Variants in SLC8A1 observed in about 807,000 individuals in gnomAD.
SLC8A1 encodes solute carrier family 8 member A1.
In SLC8A1, 18 loss-of-function variants were observed where a neutral mutation model predicts 68.3. That is an observed-to-expected ratio of 0.26 (90% CI 0.18 to 0.39). The LOEUF is 0.39. Among genes scored for constraint, SLC8A1 ranks in the 10% least tolerant of loss-of-function variants. SLC8A1 has a pLI of 1.00. For missense variants in SLC8A1, 985 were observed against 1,156.7 expected, an observed-to-expected ratio of 0.85 and a Z score of 2.15; for synonymous variants, 475 against 415.5, an observed-to-expected ratio of 1.14 and a Z score of -1.74.
chr2:40,425,463 C>T (rs1467503439), intron 2 of SLC8A1, among the ~76,000 whole-genome samples: 1 of 151,804 alleles, frequency 6.6e-6, no homozygotes, highest in Admixed American at 6.6e-5. Context: ...TTGTTAGGGA[C>T]TTCTTAAAAT....
At chr2:40,272,302 G>C (rs2066142110) in intron 2 of SLC8A1, among the ~76,000 whole-genome samples, 2 of 152,118 alleles carry the variant, frequency 1.3e-5, no homozygotes. Context: ...CCTAAAACAA[G>C]AACATGATCA....
chr2:40,501,903 AC>A (rs1164621342), intron 1 of SLC8A1, among the ~76,000 whole-genome samples: 1 of 152,050 alleles, frequency 6.6e-6, no homozygotes, highest in Non-Finnish European at 1.5e-5. Context: ...TGTCAAAGGA[AC>A]TTTTCTTTCT....
intron 2 of SLC8A1, among the ~76,000 whole-genome samples, chr2:40,415,206 A>C (rs1013274643): frequency 4.6e-5 from 7 of 152,174 alleles, no homozygotes; most frequent in Non-Finnish European, 1.0e-4. Context: ...AGGAAGTCTC[A>C]GGGCTGGAGA....
intron 2 of SLC8A1, among the ~76,000 whole-genome samples, chr2:40,188,149 G>A (rs1284169040): frequency 6.6e-6 from 1 of 152,118 alleles, no homozygotes; most frequent in Non-Finnish European, 1.5e-5. Flanking sequence ...TTCTATGAGA[G>A]GGTCACATTT....
intron 1 of SLC8A1, among the ~76,000 whole-genome samples, chr2:40,438,302 T>G (rs1397007992): frequency 6.6e-6 from 1 of 152,160 alleles, no homozygotes; most frequent in East Asian, 1.9e-4. Context: ...ATACATGCTT[T>G]TATATCTAGG....
At chr2:40,174,206 TATTATAA>T (rs1304860635) in intron 4 of SLC8A1, among the ~76,000 whole-genome samples, 1 of 152,022 alleles carries the variant, frequency 6.6e-6, no homozygotes, top group African/African-American at 2.4e-5. Context: ...TTATATTATG[TATTATAA>T]ATTATATATT....
In SLC8A1 at chr2:40,444,911, G is replaced by A. The variant is rs113082461; in HGVS notation, c.-25+6993C>T. Among the ~76,000 whole-genome samples, 1,472 of 152,146 alleles carry A rather than the reference G, an allele frequency of 9.7e-3. 25 individuals are homozygous for A. The highest frequency in any genetic ancestry group is 0.034 in the African/African-American group (1,403 of 41,502). On this transcript the variant is annotated intron_variant, in intron 1 of 7. Transcript: ENST00000406785. ...TTAAAAAATCAGCTCTCTGATCTTCGGTATATGCCATTTTGCGTGTACTTA... is the reference window on the plus strand; with the variant it reads ...TTAAAAAATCAGCTCTCTGATCTTCAGTATATGCCATTTTGCGTGTACTTA...
chr2:40,316,151 A>G (rs993410253), intron 2 of SLC8A1, among the ~76,000 whole-genome samples: 1 of 152,050 alleles, frequency 6.6e-6, no homozygotes, highest in African/African-American at 2.4e-5. Flanking sequence ...GAAAGTGTCA[A>G]TTGGTTGTGA....
chr2:40,468,047 A>G (rs1436861048), intron 1 of SLC8A1, among the ~76,000 whole-genome samples: 7 of 152,134 alleles, frequency 4.6e-5, no homozygotes, highest in Admixed American at 2.0e-4. Context: ...TTAAACATTG[A>G]GATATTATGA....
intron 2 of SLC8A1, among the ~76,000 whole-genome samples, chr2:40,235,272 T>G (rs1161460724): frequency 1.3e-5 from 2 of 152,216 alleles, no homozygotes; most frequent in African/African-American, 4.8e-5. Context: ...TGCCACAATT[T>G]CAGATCCTGT....
At chr2:40,269,000 T>A (rs566996405) in intron 2 of SLC8A1, among the ~76,000 whole-genome samples, 3 of 152,218 alleles carry the variant, frequency 2.0e-5, no homozygotes, top group South Asian at 4.1e-4. Flanking sequence ...AAATATGAAC[T>A]CATGATGTCC....
At chr2:40,109,651 G>A (rs1054483232) in exon 8 of SLC8A1, 2 of 152,128 alleles carry the variant, frequency 1.3e-5, no homozygotes, top group African/African-American at 4.8e-5. Flanking sequence ...AGGTAATAGT[G>A]AGCATCACTA....
chr2:40,126,201 T>C (rs1477870746), intron 7 of SLC8A1, among the ~76,000 whole-genome samples: 1 of 152,146 alleles, frequency 6.6e-6, no homozygotes, highest in African/African-American at 2.4e-5. Flanking sequence ...TGATAACACA[T>C]CTACGCTGAC....
At chr2:40,383,745 C>G (rs1388293182) in intron 2 of SLC8A1, among the ~76,000 whole-genome samples, 1 of 152,040 alleles carries the variant, frequency 6.6e-6, no homozygotes, top group African/African-American at 2.4e-5. Context: ...TGGCAAGACA[C>G]TATTTAACAA....
At chr2:40,281,888 T>C (rs1320052774) in intron 2 of SLC8A1, among the ~76,000 whole-genome samples, 2 of 152,218 alleles carry the variant, frequency 1.3e-5, no homozygotes, top group East Asian at 3.9e-4. Flanking sequence ...GAAGACTCTG[T>C]CTTCACTTGA....
intron 2 of SLC8A1, among the ~76,000 whole-genome samples, chr2:40,395,775 C>T (rs1686725473): frequency 6.6e-6 from 1 of 152,066 alleles, no homozygotes. Context: ...AGAGTCAGAG[C>T]TGTTCCTTAA....
intron 2 of SLC8A1, among the ~76,000 whole-genome samples, chr2:40,319,874 C>T (rs2074971197): frequency 6.6e-6 from 1 of 152,142 alleles, no homozygotes; most frequent in Non-Finnish European, 1.5e-5. Flanking sequence ...GCTCCTCCTT[C>T]TGTGGAGAGA....
intron 2 of SLC8A1, among the ~76,000 whole-genome samples, chr2:40,381,596 A>G (rs59375765): frequency 0.02 from 2,993 of 152,036 alleles, 56 homozygotes; most frequent in African/African-American, 0.053. Flanking sequence ...AACTTCCTTC[A>G]TGATCTCTGA....
intron 2 of SLC8A1, among the ~76,000 whole-genome samples, chr2:40,354,128 T>A (rs1355277677): frequency 6.6e-6 from 1 of 152,322 alleles, no homozygotes; most frequent in East Asian, 1.9e-4. Context: ...TCTCCCTCCA[T>A]ATGCGCTATA....
Sources: gnomAD v4.1 joint callset for allele counts (sites outside exome capture counted in the v4.1 genomes callset) on GRCh38, gnomAD v4.1.1 for gene constraint, MANE v1.5 for transcripts, NCBI Gene and HGNC (gene_info 2026-07-23, HGNC 2026-07-21) for gene names.